TRERF1: variants seen among roughly 807,000 people sequenced by gnomAD.
TRERF1 encodes transcriptional-regulating factor 1.
TRERF1 carries 27 observed loss-of-function variants against 122.9 expected under a neutral mutation model. The ratio of observed to expected loss-of-function variants is 0.22; its 90% confidence interval spans 0.16 to 0.30. The LOEUF (loss-of-function observed/expected upper bound fraction) is 0.30. Among genes scored for constraint, TRERF1 ranks in the 10% least tolerant of loss-of-function variants. The probability of loss-of-function intolerance (pLI) is 1.00; values close to 1 mark genes in which losing one functional copy is unlikely to be tolerated. For missense variants in TRERF1, 1,248 were observed against 1,560.3 expected, an observed-to-expected ratio of 0.80 and a Z score of 3.37; for synonymous variants, 636 against 641.7, an observed-to-expected ratio of 0.99 and a Z score of 0.13.
At chr6:42,239,900 G>A (rs902742832) in intron 15 of TRERF1, among the ~76,000 whole-genome samples, 1 of 151,840 alleles carries the variant, frequency 6.6e-6, no homozygotes, top group African/African-American at 2.4e-5. Flanking sequence ...CTGCACATAA[G>A]CCTTTTGCTC....
intron 3 of TRERF1, among the ~76,000 whole-genome samples, chr6:42,334,165 A>C (rs1581649672): frequency 1.4e-5 from 2 of 140,656 alleles, no homozygotes; most frequent in African/African-American, 4.9e-5. Context: ...TAAAAATAAA[A>C]CAAAGAAAAC....
chr6:42,237,102 C>T (rs1253087728), intron 15 of TRERF1, among the ~76,000 whole-genome samples: 1 of 152,232 alleles, frequency 6.6e-6, no homozygotes, highest in Non-Finnish European at 1.5e-5. Flanking sequence ...TCATTTTCTC[C>T]TACCAGAGGC....
intron 2 of TRERF1, among the ~76,000 whole-genome samples, chr6:42,396,423 T>C (rs886895091): frequency 1.3e-5 from 2 of 151,840 alleles, no homozygotes; most frequent in Non-Finnish European, 2.9e-5. Context: ...GAGATATGCA[T>C]ATTACACTAA....
At chr6:42,381,092 G>A (rs73733164) in intron 2 of TRERF1, among the ~76,000 whole-genome samples, 13 of 151,990 alleles carry the variant, frequency 8.6e-5, no homozygotes, top group African/African-American at 4.8e-5. Flanking sequence ...ATGAACTGTT[G>A]CACCATCAGA....
intron 17 of TRERF1, among the ~76,000 whole-genome samples, chr6:42,230,526 CA>C (rs967709465): frequency 1.3e-5 from 2 of 152,102 alleles, no homozygotes; most frequent in African/African-American, 4.8e-5. Flanking sequence ...GGAAAACTGG[CA>C]AGACCCTGAT....
intron 3 of TRERF1, among the ~76,000 whole-genome samples, chr6:42,320,840 A>G (rs1214894224): frequency 1.3e-5 from 2 of 152,110 alleles, no homozygotes; most frequent in Admixed American, 6.5e-5. Context: ...CATAACTTCA[A>G]CAATAAAGGG....
chr6:42,390,247 G>A (rs978340595), intron 2 of TRERF1, among the ~76,000 whole-genome samples: 2 of 152,196 alleles, frequency 1.3e-5, no homozygotes, highest in African/African-American at 4.8e-5. Context: ...GCAAAGTAGA[G>A]TGAAAGGATC....
intron 3 of TRERF1, among the ~76,000 whole-genome samples, chr6:42,343,409 C>G (rs971844872): frequency 1.3e-5 from 2 of 152,192 alleles, no homozygotes; most frequent in Non-Finnish European, 2.9e-5. Context: ...TATTTTAACT[C>G]TATGTAGCCA....
chr6:42,257,169 G>C, intron 10 of TRERF1, 67 bp from the exon 11 acceptor site: 1 of 1,562,522 alleles, frequency 6.4e-7, no homozygotes, highest in African/African-American at 1.4e-5. Context: ...AAGGGCAACT[G>C]TCAGGAACTT....
At position 42,284,819 on chromosome 6, in the gene TRERF1, G is replaced by C. The variant is rs561436811; in HGVS notation, c.-258-14971C>G. Among the ~76,000 whole-genome samples the C allele has an allele frequency of 5.1e-3, 771 of 152,296 alleles. 12 individuals carry two copies. The highest frequency in any genetic ancestry group is 0.017 in the African/African-American group (715 of 41,554). On this transcript the variant is annotated intron_variant, in intron 4 of 17. Transcript: ENST00000372922. Reference sequence around the variant, plus strand: ...TAGATGTCTCTGAACTATGCCGTCTGACATTGTGTTTCATGCATTCAAATG... The same window carrying C: ...TAGATGTCTCTGAACTATGCCGTCTCACATTGTGTTTCATGCATTCAAATG...
Position 42,268,398 on chromosome 6 carries a change from T to C in TRERF1, c.1193A>G (p.Gln398Arg), listed in dbSNP as rs904783323. 9.0e-6 allele frequency: 14 copies of C among 1,549,130 alleles called. No individual in the cohort carries two copies. In the Admixed American group the frequency reaches 2.3e-4, roughly 26 times the overall value. Residue 398 changes from glutamine to arginine, a missense_variant, in exon 5 of 18, where the codon CAG (glutamine) becomes CGG (arginine). By Grantham distance (43) the Gln-to-Arg change is conservative. Coordinates refer to ENST00000372922, the Ensembl canonical transcript of TRERF1. This position sits in a 1 kb window ranked among gnomAD's most constrained non-coding sequence, Gnocchi z 4.4. ...CTGACTGTCCTCACGCTGCTGGTGC[T>C]GGGACAGGTGGCTCTGCTGGTAGAG...
At chr6:42,343,149 C>T (rs1413749757) in intron 3 of TRERF1, among the ~76,000 whole-genome samples, 6 of 152,206 alleles carry the variant, frequency 3.9e-5, no homozygotes, top group Non-Finnish European at 2.9e-5. Context: ...CAGGAGCTTA[C>T]ACTCCATCTG....
intron 2 of TRERF1, among the ~76,000 whole-genome samples, chr6:42,443,727 A>G (rs547093275): frequency 4.5e-4 from 69 of 152,340 alleles, no homozygotes; most frequent in South Asian, 3.5e-3. Flanking sequence ...CAAGAAGAGC[A>G]GTTTTGCTAA....
intron 4 of TRERF1, among the ~76,000 whole-genome samples, chr6:42,290,622 G>C (rs1784129881): frequency 6.9e-6 from 1 of 145,226 alleles, no homozygotes; most frequent in Admixed American, 7.0e-5. Context: ...CCATCACCCA[G>C]AACATCATTT....
chr6:42,236,167 A>G lies in TRERF1; in HGVS notation c.3066+38T>C, dbSNP rs9471816. On this transcript the variant is annotated intron_variant, in intron 16 of 17. Transcript: ENST00000372922. ...AGCCAGGCACAGCTATATGGCTCTC[A>G]CTTGTCCCAGATCCCCAGACGACAC... is the stretch of plus-strand genomic sequence containing the variant. The G allele has an allele frequency of 6.3e-3, 9,587 of 1,532,952 alleles. 513 individuals are homozygous for G. The African/African-American group carries it at 0.11, about 18-fold the overall frequency. 95.0% of individuals were successfully genotyped at this position (1,532,952 alleles called of 1,614,324 possible).
chr6:42,390,099 A>AGGTAGAAGCAGAGAAAGAAAAAGTGTCG (rs1288107753), intron 2 of TRERF1, among the ~76,000 whole-genome samples: 3 of 152,220 alleles, frequency 2.0e-5, no homozygotes, highest in African/African-American at 7.2e-5. Flanking sequence ...TGAAAAACGG[A>AGGTAGAAGCAGAGAAAGAAAAAGTGTCG]GGTAGAAGCA....
intron 2 of TRERF1, among the ~76,000 whole-genome samples, chr6:42,444,852 T>C (rs1787183128): frequency 6.6e-6 from 1 of 152,180 alleles, no homozygotes; most frequent in African/African-American, 2.4e-5. Flanking sequence ...GCCAAAGAGT[T>C]GACTACACGG....
intron 2 of TRERF1, among the ~76,000 whole-genome samples, chr6:42,431,789 A>G (rs1462499426): frequency 6.6e-6 from 1 of 152,014 alleles, no homozygotes; most frequent in Non-Finnish European, 1.5e-5. Flanking sequence ...CAAGCTATAA[A>G]GTGAGCCGCC....
intron 2 of TRERF1, among the ~76,000 whole-genome samples, chr6:42,422,722 G>A (rs1425762952): frequency 6.6e-6 from 1 of 151,768 alleles, no homozygotes; most frequent in African/African-American, 2.4e-5. Flanking sequence ...TCCTTCCCCT[G>A]CACTCTGTGC....
Sources: allele counts gnomAD v4.1 joint callset (sites outside exome capture counted in the v4.1 genomes callset), GRCh38; gene constraint gnomAD v4.1.1; non-coding constraint Gnocchi (gnomAD v3.1); transcripts MANE v1.5; gene names NCBI Gene and HGNC (gene_info 2026-07-23, HGNC 2026-07-21).